PLAT: variants seen among roughly 807,000 people sequenced by gnomAD.
The protein encoded by PLAT is plasminogen activator, tissue type, also known as tissue-type plasminogen activator.
A neutral mutation model predicts 74.9 loss-of-function variants in PLAT; 48 were observed. The observed-to-expected ratio is 0.64, with a 90% confidence interval of 0.51 to 0.82. The LOEUF (loss-of-function observed/expected upper bound fraction) is 0.82. Among genes scored for constraint, PLAT ranks in the 40% least tolerant of loss-of-function variants. The pLI is 0.00. For synonymous variants in PLAT, 307 were observed against 294.4 expected (o/e 1.04, Z -0.44); for missense variants, 673 against 736.2 (o/e 0.91, Z 0.99).
At position 42,191,494 on chromosome 8, in the gene PLAT, A is replaced by G. The variant is rs928430177; in HGVS notation, c.73-80T>C. 3.0e-6 allele frequency: 4 copies of G among 1,315,110 alleles called. No homozygotes were observed. In the East Asian group the frequency reaches 6.9e-5, roughly 23 times the overall value. The allele number at this position is 1,315,110 out of a possible 1,614,324, so 81.5% of individuals were successfully genotyped here. A position where few individuals can be genotyped will look rare whatever the true frequency, so the allele number is the denominator to read the frequency against. ...GTAAAGGCGGCCAACCCAGAAGCCC[A>G]TGTGAACCTGCCGGCCAGATACCTC... On this transcript the variant is annotated intron_variant, in intron 2 of 13. Coordinates refer to ENST00000220809, the MANE Select transcript of PLAT (RefSeq NM_000930.5).
At chr8:42,187,760 G>A in intron 5 of PLAT, 146 bp downstream of exon 5, 1 of 745,028 alleles carries the variant, frequency 1.3e-6, no homozygotes, top group East Asian at 2.6e-5. Flanking sequence ...GTGTGGCACT[G>A]TGCTTCCTGA....
At position 42,187,901 on chromosome 8, in the gene PLAT, C is replaced by T; in HGVS notation, c.364+5G>A. On this transcript the variant is annotated splice_donor_5th_base_variant and intron_variant, in intron 5 of 13. Coordinates refer to ENST00000220809, the MANE Select transcript of PLAT (RefSeq NM_000930.5). ...AGCTCGTTTCACGTGCTCTCACCTA[C>T]TCACCTATTTCACAGCACTTCCCAG... The T allele has an allele frequency of 6.4e-7, 1 of 1,557,908 alleles. No homozygotes were observed. Among genetic ancestry groups the T allele is most frequent in the Non-Finnish European group, 8.9e-7 (1 of 1,128,856 alleles).
chr8:42,204,834 A>G lies in PLAT; in HGVS notation c.-27+2660T>C, dbSNP rs142547588. Among the ~76,000 whole-genome samples, 243 of 152,070 alleles carry G rather than the reference A, an allele frequency of 1.6e-3. 5 individuals carry two copies. The East Asian group carries it at 0.041, about 26-fold the overall frequency. ...GGAGTTCGAGACCAGCCTGATCAAC[A>G]TGGTGAAACCCTGTCTCTACTAAAA... On this transcript the variant is annotated intron_variant, in intron 1 of 13. Transcript: ENST00000220809.
At chr8:42,190,538 C>T (rs971041110) in intron 3 of PLAT, among the ~76,000 whole-genome samples, 3 of 152,156 alleles carry the variant, frequency 2.0e-5, no homozygotes, top group Non-Finnish European at 2.9e-5. Context: ...TAAGTCAGAC[C>T]CTTGCTGCTT....
intron 2 of PLAT, among the ~76,000 whole-genome samples, chr8:42,191,620 GC>G: frequency 6.6e-6 from 1 of 152,244 alleles, no homozygotes; most frequent in East Asian, 1.9e-4. Context: ...GTCCAGAAGA[GC>G]TTTCTGCTTG....
intron 9 of PLAT, 91 bp from the exon 10 acceptor site, chr8:42,180,776 A>C (rs71521571): frequency 1.1e-6 from 1 of 878,152 alleles, no homozygotes. Context: ...TGGCTGTAAA[A>C]CCACAACTTT....
At chr8:42,181,145 G>A (rs1001676633) in intron 9 of PLAT, among the ~76,000 whole-genome samples, 4 of 152,210 alleles carry the variant, frequency 2.6e-5, no homozygotes, top group African/African-American at 7.2e-5. Flanking sequence ...TTAGGGACAC[G>A]GACCACTGAG....
chr8:42,180,382 G>C lies in PLAT; in HGVS notation c.1086-4C>G, dbSNP rs1245794111. ...CGTCAGGTGGTGGGGCGGAAACCTG[G>C]TGGAGAAACAGCCTTAGAATGCTTT... On this transcript the variant is annotated splice_region_variant and splice_polypyrimidine_tract_variant and intron_variant, in intron 10 of 13. Transcript: ENST00000220809. 1.2e-6 allele frequency: 2 copies of C among 1,614,046 alleles called. No homozygotes were observed. The highest frequency in any genetic ancestry group is 2.2e-5 in the East Asian group (1 of 44,894).
At chr8:42,192,002 CTTTTT>C (rs1177070988) in intron 2 of PLAT, among the ~76,000 whole-genome samples, 1 of 127,132 alleles carries the variant, frequency 7.9e-6, no homozygotes. Context: ...TTGCCTTTTT[CTTTTT>C]TTTTTTTTTT....
At chr8:42,186,927 A>T (rs1805492836) in intron 6 of PLAT, 1 of 152,534 alleles carries the variant, frequency 6.6e-6, no homozygotes, top group Admixed American at 6.5e-5. Context: ...TCTATCAATC[A>T]TCTATCATCT....
chr8:42,201,541 G>T (rs533740822), intron 1 of PLAT, among the ~76,000 whole-genome samples: 2 of 152,110 alleles, frequency 1.3e-5, no homozygotes, highest in South Asian at 2.1e-4. Flanking sequence ...TAGATCATCC[G>T]ACCACCTGTG....
chr8:42,188,960 G>A lies in PLAT; in HGVS notation c.227C>T (p.Ala76Val). The part of the protein sequence containing the change: ...VEYCWCNSGR[A>V]QCHSVPVKSC... ...TTTGACAGGCACTGAGTGGCACTGT[G>A]CCCTGCCACTGTTGCACCAGCAATA... Residue 76 changes from alanine (A) to valine (V), a missense_variant, in exon 4 of 14, where the codon GCA (alanine) becomes GTA (valine). Physicochemically the swap from Ala to Val is moderately conservative, Grantham distance 64. Coordinates refer to ENST00000220809, the MANE Select transcript of PLAT (RefSeq NM_000930.5). 3.7e-6 allele frequency: 6 copies of A among 1,613,704 alleles called. No homozygotes were observed. The highest frequency in any genetic ancestry group is 5.1e-6 in the Non-Finnish European group (6 of 1,179,740).
At chr8:42,183,294 C>T (rs556324369) in intron 7 of PLAT, among the ~76,000 whole-genome samples, 2 of 152,310 alleles carry the variant, frequency 1.3e-5, no homozygotes, top group South Asian at 2.1e-4. Flanking sequence ...TGAGCCAACA[C>T]GCCCGGCCTG....
chr8:42,189,754 A>G (rs1156932849), intron 3 of PLAT, among the ~76,000 whole-genome samples: 1 of 150,674 alleles, frequency 6.6e-6, no homozygotes, highest in African/African-American at 2.4e-5. Flanking sequence ...GCCCGATACC[A>G]TGCCCGGCTA....
intron 3 of PLAT, among the ~76,000 whole-genome samples, chr8:42,190,421 C>T (rs1051181551): frequency 6.6e-6 from 1 of 152,262 alleles, no homozygotes; most frequent in South Asian, 2.1e-4. Context: ...AGTTGAAGTA[C>T]TCCCATTAAT....
chr8:42,193,128 C>G lies in PLAT; in HGVS notation c.58G>C (p.Val20Leu), dbSNP rs753589968. 6.2e-7 allele frequency: 1 copy of G among 1,613,220 alleles called. No homozygotes were observed. The highest frequency in any genetic ancestry group is 8.5e-7 in the Non-Finnish European group (1 of 1,179,334). ...CVLLLCGAVF[V>L]SPSQEIHARF... ...TGCACACCAACCTGGCTGGGCGAAA[C>G]GAAGACTGCTCCACACAGCAGCAGC... is the stretch of plus-strand genomic sequence containing the variant. The change falls in exon 2 of 14, where the codon GTT becomes CTT. Residue 20 changes from valine to leucine, a missense_variant. Transcript: ENST00000220809.
chr8:42,205,923 G>T (rs1806314221), intron 1 of PLAT, among the ~76,000 whole-genome samples: 1 of 152,114 alleles, frequency 6.6e-6, no homozygotes, highest in Non-Finnish European at 1.5e-5. Flanking sequence ...CTGTTTTTTG[G>T]AATCCTTTGA....
chr8:42,203,443 G>A (rs1456500968), intron 1 of PLAT, among the ~76,000 whole-genome samples: 1 of 152,178 alleles, frequency 6.6e-6, no homozygotes, highest in Non-Finnish European at 1.5e-5. Flanking sequence ...CAGCTGGCTA[G>A]CATTTCCTGG....
At chr8:42,184,923 C>T in intron 7 of PLAT, 158 bp downstream of exon 7, 3 of 515,660 alleles carry the variant, frequency 5.8e-6, no homozygotes, top group East Asian at 6.4e-5. Flanking sequence ...CAAGCCCAGG[C>T]ACAGACCTAA....
Sources: allele counts gnomAD v4.1 joint callset (sites outside exome capture counted in the v4.1 genomes callset), GRCh38; gene constraint gnomAD v4.1.1; transcripts MANE v1.5; gene names NCBI Gene and HGNC (gene_info 2026-07-23, HGNC 2026-07-21).